The following OXR1 variants were observed in gnomAD, a reference collection of about 807,000 sequenced individuals.
OXR1 encodes oxidation resistance 1.
A neutral mutation model predicts 104.6 loss-of-function variants in OXR1; 41 were observed. The ratio of observed to expected loss-of-function variants is 0.39; its 90% CI spans 0.31 to 0.51. OXR1 has a LOEUF of 0.51. Among genes scored for constraint, OXR1 ranks in the 20% least tolerant of loss-of-function variants. The pLI is 0.77. For synonymous variants in OXR1, 348 were observed against 348.4 expected, an observed-to-expected ratio of 1.00 and a Z score of 0.01; for missense variants, 955 against 1,031.9, an observed-to-expected ratio of 0.93 and a Z score of 1.02.
intron 3 of OXR1, among the ~76,000 whole-genome samples, chr8:106,595,076 A>G (rs1012931366): frequency 8.5e-5 from 13 of 152,366 alleles, no homozygotes; most frequent in African/African-American, 2.4e-4. Flanking sequence ...TTTGAAACAT[A>G]TAGGCAAAAC....
intron 3 of OXR1, among the ~76,000 whole-genome samples, chr8:106,622,881 G>A (rs923716980): frequency 1.3e-5 from 2 of 152,110 alleles, no homozygotes; most frequent in Non-Finnish European, 2.9e-5. Flanking sequence ...ACCAAGAGCA[G>A]GGCCTAATAC....
At chr8:106,414,675 G>A (rs1326076629) in intron 2 of OXR1, among the ~76,000 whole-genome samples, 1 of 152,136 alleles carries the variant, frequency 6.6e-6, no homozygotes, top group Non-Finnish European at 1.5e-5. Flanking sequence ...TCCAGTCACA[G>A]TGACATGGTG....
chr8:106,673,033 C>G (rs1827206125), intron 3 of OXR1, among the ~76,000 whole-genome samples: 2 of 152,094 alleles, frequency 1.3e-5, no homozygotes, highest in East Asian at 1.9e-4. Context: ...AAGTGGGGTA[C>G]TGCTATAAAG....
chr8:106,371,656 G>C (rs1816713273), intron 2 of OXR1, among the ~76,000 whole-genome samples: 1 of 152,180 alleles, frequency 6.6e-6, no homozygotes, highest in Non-Finnish European at 1.5e-5. Context: ...TATGTACCCA[G>C]GGGTCATTCA....
intron 4 of OXR1, among the ~76,000 whole-genome samples, chr8:106,680,885 C>A (rs1164820567): frequency 2.0e-5 from 3 of 152,124 alleles, no homozygotes; most frequent in African/African-American, 7.2e-5. Context: ...GTTATTCATT[C>A]AGGTTGCAGT....
chr8:106,581,287 T>A (rs746228010), intron 3 of OXR1: 7 of 1,254,448 alleles, frequency 5.6e-6, no homozygotes, highest in Middle Eastern at 2.2e-4. Context: ...TATTTTTTTT[T>A]AATTTTTCAT....
chr8:106,715,355 T>TTA (rs570894018), intron 11 of OXR1, among the ~76,000 whole-genome samples: 1 of 150,652 alleles, frequency 6.6e-6, no homozygotes, highest in South Asian at 2.1e-4. Context: ...GTTCTATATG[T>TTA]TACTCTCAGT....
At chr8:106,579,282 A>G (rs1258840955) in intron 3 of OXR1, among the ~76,000 whole-genome samples, 1 of 152,050 alleles carries the variant, frequency 6.6e-6, no homozygotes, top group Admixed American at 6.6e-5. Flanking sequence ...TGTAATTGCT[A>G]GTGTTTGACA....
At chr8:106,295,156 G>A (rs1488143446) in intron 1 of OXR1, among the ~76,000 whole-genome samples, 3 of 152,158 alleles carry the variant, frequency 2.0e-5, no homozygotes, top group Non-Finnish European at 4.4e-5. Context: ...GGGCATAATG[G>A]TTAGCACTTA....
chr8:106,669,173 T>A (rs1354091285), intron 3 of OXR1, among the ~76,000 whole-genome samples: 1 of 151,856 alleles, frequency 6.6e-6, no homozygotes, highest in Non-Finnish European at 1.5e-5. Context: ...GCAGAAGAAG[T>A]CTCTTGGATG....
chr8:106,312,807 G>A (rs1813765090), intron 1 of OXR1, among the ~76,000 whole-genome samples: 1 of 152,132 alleles, frequency 6.6e-6, no homozygotes, highest in African/African-American at 2.4e-5. Flanking sequence ...AGCTAACTAA[G>A]ACCCTATAAA....
At chr8:106,408,226 T>G (rs770202942) in intron 2 of OXR1, among the ~76,000 whole-genome samples, 2 of 152,190 alleles carry the variant, frequency 1.3e-5, no homozygotes, top group East Asian at 3.9e-4. Context: ...TCTGGAATAG[T>G]TACTTTTAGT....
intron 3 of OXR1, among the ~76,000 whole-genome samples, chr8:106,545,164 G>A (rs1301481937): frequency 6.6e-6 from 1 of 152,112 alleles, no homozygotes; most frequent in Non-Finnish European, 1.5e-5. Context: ...TACCCTGGGG[G>A]CAAAGTCACC....
chr8:106,620,711 T>C (rs1426977206), intron 3 of OXR1, among the ~76,000 whole-genome samples: 1 of 152,218 alleles, frequency 6.6e-6, no homozygotes, highest in African/African-American at 2.4e-5. Context: ...AAGCTATGTG[T>C]ATTTAGCAAT....
At chr8:106,708,320 A>T (rs1831349179) in intron 9 of OXR1, among the ~76,000 whole-genome samples, 1 of 152,110 alleles carries the variant, frequency 6.6e-6, no homozygotes, top group Non-Finnish European at 1.5e-5. Context: ...AATTGATTGA[A>T]CCCAGGAGGT....
At chr8:106,493,051 T>A (rs978645973) in intron 2 of OXR1, among the ~76,000 whole-genome samples, 1 of 152,192 alleles carries the variant, frequency 6.6e-6, no homozygotes, top group Non-Finnish European at 1.5e-5. Context: ...AGACTTTTTT[T>A]TAAAAAAATT....
chr8:106,618,864 A>C (rs542931207), intron 3 of OXR1, among the ~76,000 whole-genome samples: 4 of 147,398 alleles, frequency 2.7e-5, no homozygotes, highest in Non-Finnish European at 6.0e-5. Context: ...AAATAGGAGG[A>C]TTTTTTTTTT....
At chr8:106,613,041 A>T (rs1459762174) in intron 3 of OXR1, among the ~76,000 whole-genome samples, 1 of 152,158 alleles carries the variant, frequency 6.6e-6, no homozygotes, top group Non-Finnish European at 1.5e-5. Context: ...TTGACTACTT[A>T]TGCAGATTGC....
rs747894407 is a variant in OXR1 at position 106,684,271 on chromosome 8, A to G, written c.437A>G (p.Tyr146Cys). Reference protein sequence around the residue: ...GQVLYVPDPEYVSSVESSPSL... With the variant: ...GQVLYVPDPECVSSVESSPSL... The stretch of plus-strand genomic sequence containing the variant: ...GTTCTGTATGTTCCTGATCCTGAAT[A>G]TGTCTCCAGTGTTGAGAGCTCTCCA... The change falls in exon 6 of 17, where the codon TAT becomes TGT. Residue 146 changes from tyrosine (Y) to cysteine (C), a missense_variant. By Grantham distance (194) the Tyr-to-Cys change is radical. Around this residue, in one of 2 missense-constraint regions of OXR1, gnomAD observed 849 missense variants for 852.9 expected, o/e 1.00. Coordinates refer to ENST00000517566, the MANE Select transcript of OXR1 (RefSeq NM_001198533.2). 2 of 1,598,580 alleles carry G rather than the reference A, an allele frequency of 1.3e-6. No homozygotes were observed. The highest frequency in any genetic ancestry group is 1.1e-5 in the South Asian group (1 of 90,682).
Sources: gnomAD v4.1 joint callset for allele counts (sites outside exome capture counted in the v4.1 genomes callset) on GRCh38, gnomAD v4.1.1 for gene constraint, gnomAD v4.1.1 regional missense constraint, MANE v1.5 for transcripts, NCBI Gene and HGNC (gene_info 2026-07-23, HGNC 2026-07-21) for gene names.